Variants in SPOCK3 observed in about 807,000 individuals in gnomAD.
SPOCK3 encodes SPARC (osteonectin), cwcv and kazal like domains proteoglycan 3.
In SPOCK3, 30 loss-of-function variants were observed where a neutral mutation model predicts 56.6. That is an observed-to-expected ratio of 0.53 (90% confidence interval 0.40 to 0.72). SPOCK3 has a LOEUF of 0.72. SPOCK3 is among the 30% of genes least tolerant of loss of function. The probability of loss-of-function intolerance (pLI) is 0.00; values close to 1 mark genes in which losing one functional copy is unlikely to be tolerated. For missense variants in SPOCK3, 527 were observed against 530.0 expected, an observed-to-expected ratio of 0.99 and a Z score of 0.06; for synonymous variants, 196 against 183.3, an observed-to-expected ratio of 1.07 and a Z score of -0.56.
intron 2 of SPOCK3, among the ~76,000 whole-genome samples, chr4:167,188,093 T>A (rs1353436060): frequency 8.5e-6 from 1 of 118,256 alleles, no homozygotes; most frequent in African/African-American, 3.7e-5. Context: ...AATCCCACGA[T>A]AATCCAGATA....
chr4:166,826,998 A>T (rs184473909), intron 6 of SPOCK3, among the ~76,000 whole-genome samples: 262 of 152,216 alleles, frequency 1.7e-3, no homozygotes, highest in Non-Finnish European at 2.9e-3. Flanking sequence ...AAAAAAATAA[A>T]AACATGACTT....
intron 3 of SPOCK3, among the ~76,000 whole-genome samples, chr4:167,033,193 T>C (rs1752431537): frequency 6.6e-6 from 1 of 151,846 alleles, no homozygotes; most frequent in East Asian, 1.9e-4. Context: ...ATATGACTTC[T>C]TTAAACTAAA....
intron 4 of SPOCK3, among the ~76,000 whole-genome samples, chr4:166,961,583 T>C (rs1744153014): frequency 6.6e-6 from 1 of 151,864 alleles, no homozygotes; most frequent in Non-Finnish European, 1.5e-5. Flanking sequence ...AGTGTTCAGA[T>C]ATGATTCAAG....
chr4:166,768,792 G>C (rs533247376), intron 7 of SPOCK3, among the ~76,000 whole-genome samples: 1 of 152,272 alleles, frequency 6.6e-6, no homozygotes, highest in South Asian at 2.1e-4. Flanking sequence ...TTTCCAACTT[G>C]GTTCCATTCT....
chr4:166,877,255 T>C (rs1031967480), intron 6 of SPOCK3, among the ~76,000 whole-genome samples: 8 of 152,186 alleles, frequency 5.3e-5, no homozygotes, highest in East Asian at 1.9e-4. Flanking sequence ...TTCAGAGCCA[T>C]TTTAGACTTA....
chr4:166,751,437 T>C (rs1736362814), intron 8 of SPOCK3, among the ~76,000 whole-genome samples: 1 of 152,166 alleles, frequency 6.6e-6, no homozygotes, highest in African/African-American at 2.4e-5. Context: ...GATGATTCTA[T>C]GGCATTTTAT....
intron 4 of SPOCK3, among the ~76,000 whole-genome samples, chr4:166,969,295 GAGA>G (rs1395275874): frequency 6.6e-6 from 1 of 152,136 alleles, no homozygotes; most frequent in East Asian, 1.9e-4. Flanking sequence ...TTTGAAATGT[GAGA>G]AGGACATGAG....
At chr4:166,986,930 C>T (rs1747232605) in intron 4 of SPOCK3, among the ~76,000 whole-genome samples, 1 of 152,074 alleles carries the variant, frequency 6.6e-6, no homozygotes, top group Non-Finnish European at 1.5e-5. Flanking sequence ...CCCCATTGCA[C>T]CACCAGAATC....
At chr4:166,989,171 A>G (rs1346380) in intron 4 of SPOCK3, among the ~76,000 whole-genome samples, 151,978 of 152,188 alleles carry the variant, frequency 1, 75,884 homozygotes, top group Middle Eastern at 1. Context: ...ATTATTTGCT[A>G]ACACAGTTAG....
intron 6 of SPOCK3, among the ~76,000 whole-genome samples, chr4:166,873,433 A>G (rs1266145565): frequency 1.3e-5 from 2 of 152,124 alleles, no homozygotes; most frequent in East Asian, 3.9e-4. Context: ...AGCTTCATCA[A>G]TTGCAGCAAA....
At chr4:167,017,162 G>A (rs1256486492) in intron 3 of SPOCK3, among the ~76,000 whole-genome samples, 1 of 152,052 alleles carries the variant, frequency 6.6e-6, no homozygotes, top group Admixed American at 6.6e-5. Context: ...CTCAACTTTT[G>A]GGCAATGCTC....
At chr4:167,022,789 A>T (rs1751319404) in intron 3 of SPOCK3, among the ~76,000 whole-genome samples, 1 of 151,978 alleles carries the variant, frequency 6.6e-6, no homozygotes, top group African/African-American at 2.4e-5. Flanking sequence ...GCCAGGGTTG[A>T]TATGCTGGCC....
intron 2 of SPOCK3, among the ~76,000 whole-genome samples, chr4:167,220,898 C>G (rs992194786): frequency 2.0e-5 from 3 of 152,116 alleles, no homozygotes; most frequent in Admixed American, 2.0e-4. Flanking sequence ...AAGTTTCCTA[C>G]TGCAGCTTCA....
At position 167,147,944 on chromosome 4, in the gene SPOCK3, C is replaced by A. The variant is rs535203298; in HGVS notation, c.190-85407G>T. 3.3e-5 allele frequency among the ~76,000 whole-genome samples: 5 copies of A among 151,796 alleles called. No individual in the cohort carries two copies. In the East Asian group the frequency reaches 9.7e-4, roughly 29 times the overall value. ...TGCACATTCTGCACATGTACCCCAG[C>A]ACTTAAAGTATAATAAAAAGAAAGA... is the stretch of plus-strand genomic sequence containing the variant. On this transcript the variant is annotated intron_variant, in intron 2 of 10. Coordinates refer to ENST00000357545, the MANE Select transcript of SPOCK3 (RefSeq NM_001040159.2).
At chr4:166,745,234 G>A (rs1467593716) in intron 8 of SPOCK3, among the ~76,000 whole-genome samples, 1 of 152,194 alleles carries the variant, frequency 6.6e-6, no homozygotes, top group Non-Finnish European at 1.5e-5. Context: ...AGGGCAGCCA[G>A]AGAGAAAGGT....
chr4:166,985,028 A>G (rs1462323948), intron 4 of SPOCK3, among the ~76,000 whole-genome samples: 2 of 152,108 alleles, frequency 1.3e-5, no homozygotes, highest in Non-Finnish European at 2.9e-5. Context: ...CTACATTTAA[A>G]TGGTGAGATA....
At chr4:167,028,224 AT>A (rs113702569) in intron 3 of SPOCK3, among the ~76,000 whole-genome samples, 51 of 147,134 alleles carry the variant, frequency 3.5e-4, no homozygotes, top group East Asian at 8.0e-4. Flanking sequence ...CTGTCTTTAC[AT>A]TTTTTTTTTT....
intron 6 of SPOCK3, among the ~76,000 whole-genome samples, chr4:166,862,199 G>A (rs1462249932): frequency 6.6e-6 from 1 of 151,996 alleles, no homozygotes; most frequent in Non-Finnish European, 1.5e-5. Context: ...GAAAATAAGT[G>A]CAGTAATTAA....
At position 166,744,174 on chromosome 4, in the gene SPOCK3, C is replaced by T. The variant is rs996543573; in HGVS notation, c.932-2115G>A. 2.6e-5 allele frequency among the ~76,000 whole-genome samples: 4 copies of T among 152,294 alleles called. No individual in the cohort carries two copies. In the East Asian group the frequency reaches 7.7e-4, roughly 29 times the overall value. On this transcript the variant is annotated intron_variant, in intron 8 of 10. Transcript: ENST00000357545. ...TGCCTCCTCAAGTGGGTCCCTGACC[C>T]CCGAGTAGCCTAACTGGGAGATACC...
Sources: gnomAD v4.1 joint callset for allele counts (sites outside exome capture counted in the v4.1 genomes callset) on GRCh38, gnomAD v4.1.1 for gene constraint, MANE v1.5 for transcripts, NCBI Gene and HGNC (gene_info 2026-07-23, HGNC 2026-07-21) for gene names.